The following NTM variants were observed in gnomAD, a reference collection of about 807,000 sequenced individuals.
NTM encodes the protein IgLON family member 2.
A neutral mutation model predicts 42.1 loss-of-function variants in NTM; 13 were observed. The ratio of observed to expected loss-of-function variants is 0.31; its 90% CI spans 0.20 to 0.49. The LOEUF is 0.49. NTM is among the 20% of genes least tolerant of loss of function. The pLI, the probability that NTM is intolerant of heterozygous loss-of-function variation, is 0.99. For missense variants in NTM, 373 were observed against 452.8 expected (o/e 0.82, Z 1.60); for synonymous variants, 187 against 179.2 (o/e 1.04, Z -0.35).
At chr11:131,994,174 A>T (rs757271902) in intron 2 of NTM, among the ~76,000 whole-genome samples, 2 of 152,174 alleles carry the variant, frequency 1.3e-5, no homozygotes, top group African/African-American at 2.4e-5. Context: ...TTGGCTAGTG[A>T]CAAGTCAGTG....
chr11:131,852,311 C>T (rs2045647182), intron 1 of NTM, among the ~76,000 whole-genome samples: 1 of 152,196 alleles, frequency 6.6e-6, no homozygotes, highest in South Asian at 2.1e-4. Flanking sequence ...CTCCTGCCTG[C>T]TCACTGACAG....
At chr11:131,537,588 G>C (rs542204154) in intron 1 of NTM, 1 of 152,192 alleles carries the variant, frequency 6.6e-6, no homozygotes, top group Non-Finnish European at 1.5e-5. Flanking sequence ...TGCAATCCTC[G>C]CTTGTGCTTA....
chr11:131,453,803 G>A (rs552845378), intron 1 of NTM, among the ~76,000 whole-genome samples: 6 of 139,856 alleles, frequency 4.3e-5, no homozygotes, highest in South Asian at 2.2e-4. Flanking sequence ...TGGGGAGGAC[G>A]GTGTGATAAC....
At chr11:132,233,657 G>A (rs1279040165) in intron 4 of NTM, among the ~76,000 whole-genome samples, 4 of 152,086 alleles carry the variant, frequency 2.6e-5, no homozygotes, top group African/African-American at 9.7e-5. Context: ...TTTGTCTTAC[G>A]ATGTCAGAGT....
intron 2 of NTM, among the ~76,000 whole-genome samples, chr11:132,102,696 T>C (rs2061771196): frequency 6.6e-6 from 1 of 152,222 alleles, no homozygotes; most frequent in Non-Finnish European, 1.5e-5. Flanking sequence ...AATTTCCCTC[T>C]GCCCCACTTT....
chr11:132,183,719 A>G (rs1427607344), intron 3 of NTM, among the ~76,000 whole-genome samples: 2 of 152,196 alleles, frequency 1.3e-5, no homozygotes, highest in African/African-American at 2.4e-5. Context: ...TCCAAAAAGT[A>G]AAGTGTGGAA....
intron 1 of NTM, among the ~76,000 whole-genome samples, chr11:131,398,629 G>A (rs564568251): frequency 1.3e-5 from 2 of 152,178 alleles, no homozygotes; most frequent in South Asian, 4.1e-4. Flanking sequence ...ATTTTTTGCT[G>A]TTGTAAATAA....
intron 1 of NTM, among the ~76,000 whole-genome samples, chr11:131,735,106 G>C (rs1002040115): frequency 6.6e-6 from 1 of 152,172 alleles, no homozygotes; most frequent in African/African-American, 2.4e-5. Flanking sequence ...AACTTATTTA[G>C]CTGATCCTGC....
chr11:131,823,647 A>G (rs2093281021), intron 1 of NTM, among the ~76,000 whole-genome samples: 1 of 152,242 alleles, frequency 6.6e-6, no homozygotes, highest in Non-Finnish European at 1.5e-5. Flanking sequence ...CATAGAAATG[A>G]TTATTAATGT....
At chr11:131,400,884 C>T (rs1290709454) in intron 1 of NTM, among the ~76,000 whole-genome samples, 1 of 151,860 alleles carries the variant, frequency 6.6e-6, no homozygotes, top group African/African-American at 2.4e-5. Flanking sequence ...ACTTTTCTTC[C>T]TGCTTTCTTT....
intron 4 of NTM, among the ~76,000 whole-genome samples, chr11:132,231,591 C>T (rs1299823618): frequency 1.3e-5 from 2 of 152,130 alleles, no homozygotes; most frequent in Non-Finnish European, 2.9e-5. Context: ...CAAATGGATA[C>T]ATTCTTATTT....
At chr11:131,522,965 C>T (rs1245028235) in intron 1 of NTM, among the ~76,000 whole-genome samples, 3 of 152,172 alleles carry the variant, frequency 2.0e-5, no homozygotes, top group African/African-American at 2.4e-5. Context: ...AATATGTAAC[C>T]AGAGCTATGA....
At chr11:131,647,244 A>G (rs1119543) in intron 1 of NTM, among the ~76,000 whole-genome samples, 129,128 of 152,214 alleles carry the variant, frequency 0.85, 54,872 homozygotes, top group East Asian at 0.91. Context: ...GAAAATATGA[A>G]CCCTGAGCAA....
chr11:132,080,189 T>C (rs1349722878), intron 2 of NTM, among the ~76,000 whole-genome samples: 2 of 82,932 alleles, frequency 2.4e-5, no homozygotes, highest in Non-Finnish European at 5.1e-5. Flanking sequence ...GAAAGAATGC[T>C]GAAAAAAAAA....
intron 2 of NTM, among the ~76,000 whole-genome samples, chr11:131,990,253 G>T (rs1432846262): frequency 6.6e-6 from 1 of 152,018 alleles, no homozygotes; most frequent in Non-Finnish European, 1.5e-5. Flanking sequence ...AACCTCAATC[G>T]AAATCCAGTA....
chr11:131,394,847 G>A (rs985648596), intron 1 of NTM, among the ~76,000 whole-genome samples: 3 of 152,080 alleles, frequency 2.0e-5, no homozygotes, highest in Non-Finnish European at 4.4e-5. Flanking sequence ...AAATATTTGC[G>A]GGGTGTCAAT....
intron 1 of NTM, among the ~76,000 whole-genome samples, chr11:131,555,131 C>T (rs2055229794): frequency 6.6e-6 from 1 of 152,122 alleles, no homozygotes; most frequent in Admixed American, 6.5e-5. Context: ...CACTGCACTC[C>T]AGGCTGGGCA....
chr11:131,574,891 C>A (rs1280518813), intron 1 of NTM, among the ~76,000 whole-genome samples: 1 of 152,022 alleles, frequency 6.6e-6, no homozygotes, highest in Non-Finnish European at 1.5e-5. Context: ...GCTGAGGGGA[C>A]CTTTGGGGCT....
At chr11:131,945,682 G>A (rs1446081053) in intron 2 of NTM, among the ~76,000 whole-genome samples, 1 of 152,198 alleles carries the variant, frequency 6.6e-6, no homozygotes, top group Non-Finnish European at 1.5e-5. Flanking sequence ...AGGACAAATT[G>A]CATACTTGTT....
Sources: gnomAD v4.1 joint callset for allele counts (sites outside exome capture counted in the v4.1 genomes callset) on GRCh38, gnomAD v4.1.1 for gene constraint, MANE v1.5 for transcripts, NCBI Gene and HGNC (gene_info 2026-07-23, HGNC 2026-07-21) for gene names.